The following THSD4 variants were observed in gnomAD, a reference collection of about 807,000 sequenced individuals.
THSD4 encodes the protein thrombospondin type-1 domain-containing protein 4.
Under a neutral mutation model 119.0 loss-of-function variants are expected in THSD4, and 69 were observed. That is an observed-to-expected ratio of 0.58 (90% CI 0.48 to 0.71). The LOEUF (loss-of-function observed/expected upper bound fraction) is 0.71, where lower values mean the gene tolerates loss of function less well. Ranked by LOEUF, THSD4 falls within the 30% of genes least tolerant of loss-of-function variation. The pLI is 0.00. For synonymous variants in THSD4, 524 were observed against 540.4 expected (o/e 0.97, Z 0.42); for missense variants, 1,393 against 1,391.1 (o/e 1.00, Z -0.02).
At chr15:71,554,004 G>A (rs1439911125) in intron 7 of THSD4, among the ~76,000 whole-genome samples, 4 of 151,248 alleles carry the variant, frequency 2.6e-5, no homozygotes, top group Non-Finnish European at 5.9e-5. Flanking sequence ...GGTTTTGATA[G>A]TTTTGTAAAA....
chr15:71,584,105 T>A (rs539002290), intron 7 of THSD4, among the ~76,000 whole-genome samples: 1 of 152,212 alleles, frequency 6.6e-6, no homozygotes, highest in Non-Finnish European at 1.5e-5. Context: ...ATAATTATTA[T>A]ATTCTCTTGA....
intron 2 of THSD4, among the ~76,000 whole-genome samples, chr15:71,142,769 T>C (rs1277495722): frequency 6.6e-6 from 1 of 152,240 alleles, no homozygotes; most frequent in African/African-American, 2.4e-5. Flanking sequence ...GAATCTGGAA[T>C]GAGGGGAAGG....
chr15:71,180,117 A>G (rs1293562346), intron 3 of THSD4, among the ~76,000 whole-genome samples: 73 of 135,832 alleles, frequency 5.4e-4, no homozygotes, highest in African/African-American at 1.7e-3. Context: ...CAATGTGCAC[A>G]TGTACCCTAA....
At chr15:71,282,794 T>C (rs558231251) in intron 6 of THSD4, among the ~76,000 whole-genome samples, 1 of 152,212 alleles carries the variant, frequency 6.6e-6, no homozygotes, top group African/African-American at 2.4e-5. Flanking sequence ...TCCTCACTGA[T>C]TTCTTCCTTA....
At chr15:71,314,423 C>T (rs1030829486) in intron 6 of THSD4, among the ~76,000 whole-genome samples, 2 of 152,122 alleles carry the variant, frequency 1.3e-5, no homozygotes, top group African/African-American at 4.8e-5. Flanking sequence ...TCTCCTGCCT[C>T]AGCCTCCCAG....
At chr15:71,598,418 G>A (rs1197420538) in intron 7 of THSD4, among the ~76,000 whole-genome samples, 2 of 152,148 alleles carry the variant, frequency 1.3e-5, no homozygotes, top group African/African-American at 4.8e-5. Flanking sequence ...AGGAAGGCCA[G>A]GAGGTATACG....
intron 17 of THSD4, among the ~76,000 whole-genome samples, chr15:71,776,497 T>C (rs1021316729): frequency 3.3e-5 from 5 of 152,206 alleles, no homozygotes; most frequent in African/African-American, 4.8e-5. Context: ...CATTTCACAT[T>C]CACTAGCTCA....
intron 6 of THSD4, among the ~76,000 whole-genome samples, chr15:71,394,532 A>G (rs950793227): frequency 1.3e-5 from 2 of 151,958 alleles, no homozygotes; most frequent in African/African-American, 2.4e-5. Flanking sequence ...CAGCCTCCCA[A>G]AGTGCTGGGA....
intron 7 of THSD4, among the ~76,000 whole-genome samples, chr15:71,413,160 C>T (rs973266831): frequency 1.3e-5 from 2 of 152,106 alleles, no homozygotes; most frequent in Non-Finnish European, 2.9e-5. Flanking sequence ...TACAGGCTCA[C>T]GCCACCATGC....
At chr15:71,488,802 A>G (rs2047864682) in intron 7 of THSD4, among the ~76,000 whole-genome samples, 2 of 152,238 alleles carry the variant, frequency 1.3e-5, no homozygotes, top group Middle Eastern at 3.4e-3. Flanking sequence ...CCCTTTCCCG[A>G]TTAAGTTAGC....
At chr15:71,400,060 T>G (rs567670644) in intron 6 of THSD4, among the ~76,000 whole-genome samples, 2 of 152,294 alleles carry the variant, frequency 1.3e-5, no homozygotes, top group Admixed American at 1.3e-4. Flanking sequence ...TGTTCACTGT[T>G]TCTAATCCGG....
At chr15:71,158,253 A>C (rs1181683047) in intron 3 of THSD4, among the ~76,000 whole-genome samples, 1 of 146,872 alleles carries the variant, frequency 6.8e-6, no homozygotes, top group Non-Finnish European at 1.5e-5. Flanking sequence ...TCCTGGGCTC[A>C]AGTGATTCTT....
intron 16 of THSD4, chr15:71,767,467 G>A (rs1430592708): frequency 3.3e-5 from 5 of 152,198 alleles, no homozygotes; most frequent in Non-Finnish European, 5.9e-5. Flanking sequence ...TGATAGTGTT[G>A]TGCTGGATAT....
chr15:71,282,774 A>G (rs183180669), intron 6 of THSD4, among the ~76,000 whole-genome samples: 5 of 152,004 alleles, frequency 3.3e-5, no homozygotes, highest in Admixed American at 3.3e-4. Flanking sequence ...GGCATCCCCA[A>G]CTACCTGACT....
intron 4 of THSD4, among the ~76,000 whole-genome samples, chr15:71,220,805 C>T (rs547753941): frequency 6.6e-6 from 1 of 152,312 alleles, no homozygotes; most frequent in East Asian, 1.9e-4. Context: ...GAAGCATAGA[C>T]TGGGTGCAGC....
chr15:71,356,604 A>G (rs560884858), intron 6 of THSD4, among the ~76,000 whole-genome samples: 2 of 150,678 alleles, frequency 1.3e-5, no homozygotes, highest in South Asian at 2.1e-4. Context: ...AGGAAAGAGA[A>G]AGAGAGAGTG....
intron 3 of THSD4, among the ~76,000 whole-genome samples, chr15:71,174,834 A>G (rs1211528823): frequency 5.9e-5 from 9 of 151,858 alleles, no homozygotes; most frequent in Admixed American, 1.3e-4. Flanking sequence ...CTGACCCCTG[A>G]CCCCGAGCAG....
chr15:71,682,464 C>G (rs961411113), intron 8 of THSD4, among the ~76,000 whole-genome samples: 1 of 152,158 alleles, frequency 6.6e-6, no homozygotes, highest in African/African-American at 2.4e-5. Flanking sequence ...CTCCCCACCG[C>G]AGAAAGAACC....
At chr15:71,454,954 C>T (rs1200152502) in intron 7 of THSD4, among the ~76,000 whole-genome samples, 2 of 152,216 alleles carry the variant, frequency 1.3e-5, no homozygotes, top group African/African-American at 4.8e-5. Flanking sequence ...ACCCCTGCTA[C>T]AGCTTTGATT....
Sources: allele counts gnomAD v4.1 joint callset (sites outside exome capture counted in the v4.1 genomes callset), GRCh38; gene constraint gnomAD v4.1.1; transcripts MANE v1.5; gene names NCBI Gene and HGNC (gene_info 2026-07-23, HGNC 2026-07-21).